The following INPP5D variants were observed in gnomAD, a reference collection of about 807,000 sequenced individuals.
INPP5D encodes phosphatidylinositol 3,4,5-trisphosphate 5-phosphatase 1.
A neutral mutation model predicts 122.9 loss-of-function variants in INPP5D; 33 were observed. That is an observed-to-expected ratio of 0.27 (90% CI 0.20 to 0.36). INPP5D has a LOEUF of 0.36. Ranked by LOEUF, INPP5D falls within the 10% of genes least tolerant of loss-of-function variation. The probability of loss-of-function intolerance (pLI) is 1.00; values close to 1 mark genes in which losing one functional copy is unlikely to be tolerated. For missense variants in INPP5D, 1,053 were observed against 1,412.7 expected (o/e 0.75, Z 4.08); for synonymous variants, 584 against 576.2 (o/e 1.01, Z -0.19).
intron 2 of INPP5D, among the ~76,000 whole-genome samples, chr2:233,114,948 A>G (rs934341659): frequency 1.3e-5 from 2 of 150,498 alleles, no homozygotes; most frequent in African/African-American, 4.9e-5. Flanking sequence ...GCTCACCACA[A>G]CCTCTGCCTC....
In INPP5D at chr2:233,171,114, C is replaced by A. The variant is rs1383084629; in HGVS notation, c.1951C>A (p.Arg651=). Residue 651 remains arginine (R), a synonymous_variant, in exon 17 of 27, where the codon CGG becomes AGG. Coordinates refer to ENST00000445964, the MANE Select transcript of INPP5D (RefSeq NM_001017915.3). ...AACCTACCGTTTTGAGAGACTGACTCGGGACAAATACGCCTACACCAAGCA... is the reference window on the plus strand; with the variant it reads ...AACCTACCGTTTTGAGAGACTGACTAGGGACAAATACGCCTACACCAAGCA... ...APTYRFERLT[R]DKYAYTKQKA... is the part of the protein sequence containing the mutation. 1 of 1,612,320 alleles carries A rather than the reference C, an allele frequency of 6.2e-7. No individual in the cohort carries two copies. Among genetic ancestry groups the A allele is most frequent in the South Asian group, 1.1e-5 (1 of 91,046 alleles).
chr2:233,098,852 C>T lies in INPP5D; in HGVS notation c.198+19454C>T, dbSNP rs530396819. Among the ~76,000 whole-genome samples the T allele has an allele frequency of 5.3e-5, 8 of 152,330 alleles. No homozygotes were observed. The South Asian group carries it at 1.4e-3, about 28-fold the overall frequency. On this transcript the variant is annotated intron_variant, in intron 2 of 26. Transcript: ENST00000445964. ...ACCAGGGGGCGCCCATTCAGCGATC[C>T]AGCTTCACAATGTATTTGCCATCGA...
At chr2:233,138,303 TA>T (rs749510803) in intron 5 of INPP5D, among the ~76,000 whole-genome samples, 1,583 of 103,540 alleles carry the variant, frequency 0.015, 21 homozygotes, top group African/African-American at 0.052. Flanking sequence ...TAAGATTGTC[TA>T]AAAAAAAAAA....
In INPP5D at chr2:233,160,659, G is replaced by A. The variant is rs1694175854; in HGVS notation, c.1138-1065G>A. Among the ~76,000 whole-genome samples the A allele has an allele frequency of 6.6e-6, 1 of 151,732 alleles. No individual in the cohort carries two copies. Among genetic ancestry groups the A allele is most frequent in the African/African-American group, 2.4e-5 (1 of 41,276 alleles). On this transcript the variant is annotated intron_variant, in intron 10 of 26. Transcript: ENST00000445964. This position sits in a 1 kb window ranked among gnomAD's most constrained non-coding sequence, Gnocchi z 4.2. Reference sequence around the variant, plus strand: ...CTGTTTCTTTTCTTTTCTGAGACAGGGTCTTGTTCAGTTGCCCCGGCTGAA... The same window carrying A: ...CTGTTTCTTTTCTTTTCTGAGACAGAGTCTTGTTCAGTTGCCCCGGCTGAA...
intron 2 of INPP5D, among the ~76,000 whole-genome samples, chr2:233,096,424 G>A (rs1692143461): frequency 6.6e-6 from 1 of 152,182 alleles, no homozygotes; most frequent in East Asian, 1.9e-4. Context: ...GGCAGAGCTG[G>A]GCGGATCACC....
intron 17 of INPP5D, among the ~76,000 whole-genome samples, chr2:233,175,865 A>G (rs1694611224): frequency 6.6e-6 from 1 of 151,882 alleles, no homozygotes; most frequent in Non-Finnish European, 1.5e-5. Flanking sequence ...TATTTTTAGC[A>G]GAGATGGGGT....
rs150490236 is a variant in INPP5D, at chr2:233,074,579, C to T, written c.135-4756C>T. Reference sequence around the variant, plus strand: ...CAGTTTGTTTCCCAAGGTTGCCACACATTTTCTTGTCCTTCTACATTGGTG... The same window carrying T: ...CAGTTTGTTTCCCAAGGTTGCCACATATTTTCTTGTCCTTCTACATTGGTG... On this transcript the variant is annotated intron_variant, in intron 1 of 26. Transcript: ENST00000445964. Among the ~76,000 whole-genome samples the T allele has an allele frequency of 1.3e-3, 194 of 152,158 alleles. 2 individuals carry two copies. The highest frequency in any genetic ancestry group is 9.2e-3 in the Admixed American group (141 of 15,296).
intron 22 of INPP5D, among the ~76,000 whole-genome samples, chr2:233,193,575 TTCTG>T (rs1300040487): frequency 1.3e-5 from 2 of 152,248 alleles, no homozygotes; most frequent in African/African-American, 2.4e-5. Flanking sequence ...GAGTGTTTAA[TTCTG>T]TCTTTCTGCT....
intron 21 of INPP5D, among the ~76,000 whole-genome samples, chr2:233,186,747 G>A (rs1694929565): frequency 1.9e-5 from 1 of 53,696 alleles, no homozygotes; most frequent in African/African-American, 6.4e-5. Flanking sequence ...TTTTGAGACA[G>A]AGTCTTGCTC....
intron 17 of INPP5D, among the ~76,000 whole-genome samples, chr2:233,176,638 AGTCGGTGGGTGGATGG>A (rs1694646780): frequency 1.0e-3 from 3 of 2,992 alleles, no homozygotes; most frequent in Non-Finnish European, 1.6e-3. Context: ...ATGGATGGCT[AGTCGGTGGGTGGATGG>A]ATGGGTGGGT....
chr2:233,113,691 C>T (rs1692697453), intron 2 of INPP5D, among the ~76,000 whole-genome samples: 1 of 152,152 alleles, frequency 6.6e-6, no homozygotes, highest in African/African-American at 2.4e-5. Flanking sequence ...CGCTGGCTCT[C>T]GCTTGTCGAC....
chr2:233,081,157 C>T (rs115161802), intron 2 of INPP5D, among the ~76,000 whole-genome samples: 2,281 of 152,264 alleles, frequency 0.015, 50 homozygotes, highest in African/African-American at 0.051. Context: ...TCCTTTCCAG[C>T]GCTTGGCAGC....
intron 9 of INPP5D, among the ~76,000 whole-genome samples, chr2:233,156,467 T>A (rs1694057260): frequency 6.6e-6 from 1 of 152,204 alleles, no homozygotes; most frequent in African/African-American, 2.4e-5. Flanking sequence ...TTTTTTGTTT[T>A]GTATTTTAGT....
chr2:233,122,174 A>G lies in INPP5D; in HGVS notation c.266A>G (p.Glu89Gly). ...CAGCTCATCGAGTTTTACAAGAAGG[A>G]AAACATGGGGCTGGTGACCCATCTG... Reference protein sequence around the residue: ...LDQLIEFYKKENMGLVTHLQY... With the variant: ...LDQLIEFYKKGNMGLVTHLQY... Residue 89 changes from glutamate (E) to glycine (G), a missense_variant, in exon 3 of 27, where the codon GAA becomes GGA. Around this residue, in one of 6 missense-constraint regions of INPP5D, gnomAD observed 74 missense variants for 146.6 expected, o/e 0.50. Transcript: ENST00000445964. 1 of 1,613,960 alleles carries G rather than the reference A, an allele frequency of 6.2e-7. No homozygotes were observed. Among genetic ancestry groups the G allele is most frequent in the Non-Finnish European group, 8.5e-7 (1 of 1,179,878 alleles).
At chr2:233,091,667 T>C (rs1691997030) in intron 2 of INPP5D, among the ~76,000 whole-genome samples, 2 of 152,166 alleles carry the variant, frequency 1.3e-5, no homozygotes, top group South Asian at 4.1e-4. Context: ...CAGGATCCTC[T>C]CCCAACCTCG....
chr2:233,086,779 C>T (rs1691864204), intron 2 of INPP5D, among the ~76,000 whole-genome samples: 1 of 152,134 alleles, frequency 6.6e-6, no homozygotes, highest in Non-Finnish European at 1.5e-5. Context: ...TAAACTATCC[C>T]AGGGGAATTT....
intron 11 of INPP5D, among the ~76,000 whole-genome samples, chr2:233,162,525 A>G (rs1429596935): frequency 6.9e-6 from 1 of 145,346 alleles, no homozygotes; most frequent in Non-Finnish European, 1.6e-5. Flanking sequence ...TGTATTTACT[A>G]AACACATGCA....
chr2:233,169,587 G>A, intron 14 of INPP5D, 186 bp downstream of exon 14: 1 of 883,666 alleles, frequency 1.1e-6, no homozygotes, highest in East Asian at 2.7e-5. Flanking sequence ...CTCACGTGTG[G>A]AGGAATTTTG....
At chr2:233,061,737 G>A (rs147625458) in intron 1 of INPP5D, among the ~76,000 whole-genome samples, 15 of 152,352 alleles carry the variant, frequency 9.8e-5, no homozygotes, top group East Asian at 3.9e-4. Context: ...CTGAGGCCCT[G>A]GCAGGTTAAG....
Sources: gnomAD v4.1 joint callset for allele counts (sites outside exome capture counted in the v4.1 genomes callset) on GRCh38, gnomAD v4.1.1 for gene constraint, gnomAD v4.1.1 regional missense constraint, Gnocchi (gnomAD v3.1) non-coding constraint, MANE v1.5 for transcripts, NCBI Gene and HGNC (gene_info 2026-07-23, HGNC 2026-07-21) for gene names.